The following UBE4B variants were observed in gnomAD, a reference collection of about 807,000 sequenced individuals.
UBE4B encodes the protein ubiquitin conjugation factor E4 B.
Under a neutral mutation model 148.1 loss-of-function variants are expected in UBE4B, and 27 were observed. The observed-to-expected ratio is 0.18, with a 90% CI of 0.13 to 0.25. The LOEUF (loss-of-function observed/expected upper bound fraction) is 0.25, where lower values mean the gene tolerates loss of function less well. UBE4B is among the 10% of genes least tolerant of loss of function. The probability of loss-of-function intolerance (pLI) is 1.00; values close to 1 mark genes in which losing one functional copy is unlikely to be tolerated. For missense variants in UBE4B, 1,170 were observed against 1,662.4 expected (o/e 0.70, Z 5.15); for synonymous variants, 596 against 619.3 (o/e 0.96, Z 0.56).
rs557521920 is a variant in UBE4B, at chr1:10,164,362, A to G, written c.3198+3076A>G. Among the ~76,000 whole-genome samples, 176 of 152,046 alleles carry G rather than the reference A, an allele frequency of 1.2e-3. 3 individuals are homozygous for G. Among genetic ancestry groups the G allele is most frequent in the South Asian group, 9.1e-3 (44 of 4,816 alleles). On this transcript the variant is annotated intron_variant, in intron 23 of 27. Coordinates refer to ENST00000343090, the MANE Select transcript of UBE4B (RefSeq NM_001105562.3). Reference sequence around the variant, plus strand: ...GACTCCGTCTCAAAAAAGAAAAAAAAAAAGAAAGAAAGAGTCTTGCTCTGT... The same window carrying G: ...GACTCCGTCTCAAAAAAGAAAAAAAGAAAGAAAGAAAGAGTCTTGCTCTGT...
At chr1:10,060,231 C>A (rs1644258417) in intron 1 of UBE4B, among the ~76,000 whole-genome samples, 1 of 152,146 alleles carries the variant, frequency 6.6e-6, no homozygotes, top group South Asian at 2.1e-4. Flanking sequence ...GGTATAGTTA[C>A]ACAAACTTAG....
At chr1:10,121,360 A>C (rs1645407365) in intron 9 of UBE4B, among the ~76,000 whole-genome samples, 4 of 152,138 alleles carry the variant, frequency 2.6e-5, no homozygotes, top group Admixed American at 2.6e-4. Flanking sequence ...ATCTCTAAAA[A>C]ACAACAAACA....
intron 3 of UBE4B, 47 bp downstream of exon 3, chr1:10,095,643 A>C: frequency 6.2e-7 from 1 of 1,610,618 alleles, no homozygotes; most frequent in Non-Finnish European, 8.5e-7. Flanking sequence ...TTAGGGAAAG[A>C]GAAAGATCCA....
intron 1 of UBE4B, among the ~76,000 whole-genome samples, chr1:10,069,251 A>C (rs1039835637): frequency 2.6e-5 from 4 of 152,230 alleles, no homozygotes; most frequent in African/African-American, 9.6e-5. Flanking sequence ...TGATAACGTC[A>C]ACTAATAAAT....
intron 21 of UBE4B, among the ~76,000 whole-genome samples, chr1:10,153,454 C>T (rs116708561): frequency 0.02 from 2,547 of 130,444 alleles, 34 homozygotes; most frequent in Non-Finnish European, 0.028. Flanking sequence ...CTTGCTGCTG[C>T]GTTCCAGCCT....
chr1:10,104,604 CTA>C (rs1645076076), intron 5 of UBE4B, among the ~76,000 whole-genome samples: 1 of 152,134 alleles, frequency 6.6e-6, no homozygotes, highest in African/African-American at 2.4e-5. Context: ...ATAGATAAGA[CTA>C]TTTCTGATTT....
chr1:10,106,183 C>T lies in UBE4B; in HGVS notation c.810-14C>T. ...GATTTTTCTCTTCTTTCCTCCCTTT[C>T]TCAACTAATTTAGCCTCTATGAAAG... On this transcript the variant is annotated splice_polypyrimidine_tract_variant and intron_variant, in intron 6 of 27. Transcript: ENST00000343090. The surrounding 1 kb of genome is among the most constrained non-coding windows in gnomAD (Gnocchi z 4.2). 1 of 1,547,924 alleles carries T rather than the reference C, an allele frequency of 6.5e-7. No individual in the cohort carries two copies. The highest frequency in any genetic ancestry group is 1.2e-5 in the South Asian group (1 of 83,122).
chr1:10,098,808 T>G (rs1378563256), intron 3 of UBE4B, among the ~76,000 whole-genome samples: 1 of 152,214 alleles, frequency 6.6e-6, no homozygotes. Context: ...TATTCAGTGG[T>G]GAGAAGTTAG....
chr1:10,159,633 C>T (rs1277646357), intron 22 of UBE4B, among the ~76,000 whole-genome samples: 1 of 152,196 alleles, frequency 6.6e-6, no homozygotes, highest in South Asian at 2.1e-4. Flanking sequence ...TGCAGTGAGC[C>T]GAGATGGTGC....
chr1:10,115,628 A>G (rs1557567054), intron 7 of UBE4B, among the ~76,000 whole-genome samples: 1 of 152,204 alleles, frequency 6.6e-6, no homozygotes, highest in Non-Finnish European at 1.5e-5. Context: ...GTCTAAGGAC[A>G]ATGATGTCCA....
Position 10,135,077 on chromosome 1 carries a change from A to C in UBE4B, c.2115A>C (p.Thr705=), listed in dbSNP as rs1241240729. ...QQLSTKIKLE[T]VDPTYIFHPR... is the part of the protein sequence containing the mutation. ...TAAGTACAAAAATCAAGTTAGAAAC[A>C]GTTGATCCCACGTATATTTTTCACC... The change falls in exon 16 of 28, where the codon ACA becomes ACC. Residue 705 remains threonine (T), a synonymous_variant. Coordinates refer to ENST00000343090, the MANE Select transcript of UBE4B (RefSeq NM_001105562.3). The C allele has an allele frequency of 1.2e-6, 2 of 1,614,186 alleles. No homozygotes were observed. Among genetic ancestry groups the C allele is most frequent in the African/African-American group, 2.7e-5 (2 of 75,058 alleles).
intron 25 of UBE4B, among the ~76,000 whole-genome samples, chr1:10,174,656 C>T (rs1379261802): frequency 1.4e-5 from 2 of 146,338 alleles, no homozygotes; most frequent in East Asian, 2.0e-4. Flanking sequence ...GAGCCGAGAT[C>T]GTGCCATTGC....
At chr1:10,033,837 C>T (rs1230996037) in intron 1 of UBE4B, 143 bp downstream of exon 1, 2 of 816,776 alleles carry the variant, frequency 2.4e-6, no homozygotes, top group South Asian at 2.9e-5. Context: ...ACGTGACTCC[C>T]CGATAGGGTC....
At chr1:10,048,554 G>A (rs1643962393) in intron 1 of UBE4B, among the ~76,000 whole-genome samples, 2 of 152,166 alleles carry the variant, frequency 1.3e-5, no homozygotes, top group South Asian at 4.1e-4. Flanking sequence ...GACTGATAAG[G>A]AACAGCCACT....
chr1:10,050,315 G>A (rs1238771484), intron 1 of UBE4B, among the ~76,000 whole-genome samples: 3 of 152,140 alleles, frequency 2.0e-5, no homozygotes, highest in East Asian at 1.9e-4. Flanking sequence ...CAGGTGATCC[G>A]CCTGCCTTGG....
intron 1 of UBE4B, among the ~76,000 whole-genome samples, chr1:10,043,296 A>G (rs1326889175): frequency 8.6e-5 from 13 of 151,868 alleles, no homozygotes; most frequent in Admixed American, 2.0e-4. Flanking sequence ...GGTGTGAGCC[A>G]CCGCACCCGG....
At position 10,042,581 on chromosome 1, in the gene UBE4B, G is replaced by A. The variant is rs552601827; in HGVS notation, c.24+8887G>A. Among the ~76,000 whole-genome samples the A allele has an allele frequency of 2.0e-5, 3 of 152,244 alleles. No homozygotes were observed. The East Asian group carries it at 5.8e-4, about 29-fold the overall frequency. ...AGAATAGCTTGAACCCGGGAGGCAG[G>A]GGTTACAGTGAGCTGAGATTGCACC... is the stretch of plus-strand genomic sequence containing the variant. On this transcript the variant is annotated intron_variant, in intron 1 of 27. Coordinates refer to ENST00000343090, the MANE Select transcript of UBE4B (RefSeq NM_001105562.3).
At chr1:10,046,013 T>C (rs1165843133) in intron 1 of UBE4B, among the ~76,000 whole-genome samples, 1 of 152,190 alleles carries the variant, frequency 6.6e-6, no homozygotes, top group Admixed American at 6.6e-5. Flanking sequence ...CTGCGCTCAT[T>C]AGGAGCCCAG....
intron 1 of UBE4B, among the ~76,000 whole-genome samples, chr1:10,068,559 C>T (rs1214158333): frequency 6.6e-6 from 1 of 151,748 alleles, no homozygotes; most frequent in East Asian, 2.0e-4. Context: ...CCGTGTTAGT[C>T]GGGCTGGTCT....
Sources: gnomAD v4.1 joint callset for allele counts (sites outside exome capture counted in the v4.1 genomes callset) on GRCh38, gnomAD v4.1.1 for gene constraint, Gnocchi (gnomAD v3.1) non-coding constraint, MANE v1.5 for transcripts, NCBI Gene and HGNC (gene_info 2026-07-23, HGNC 2026-07-21) for gene names.